Variants in NEDD4L observed in about 807,000 individuals in gnomAD.
NEDD4L encodes the protein E3 ubiquitin-protein ligase NEDD4-like.
NEDD4L carries 54 observed loss-of-function variants against 148.9 expected under a neutral mutation model. That is an observed-to-expected ratio of 0.36 (90% CI 0.29 to 0.45). NEDD4L has a LOEUF of 0.45. Among genes scored for constraint, NEDD4L ranks in the 20% least tolerant of loss-of-function variants. NEDD4L has a pLI of 1.00. For synonymous variants in NEDD4L, 433 were observed against 440.7 expected (o/e 0.98, Z 0.22); for missense variants, 856 against 1,233.8 (o/e 0.69, Z 4.59).
In NEDD4L at chr18:58,281,682, CT is replaced by C. The variant is rs151200470; in HGVS notation, c.297+29637del. On this transcript the variant is annotated intron_variant, in intron 5 of 30. Coordinates refer to ENST00000400345, the MANE Select transcript of NEDD4L (RefSeq NM_001144967.3). ...AAAAGAAAAAAGAAAAAAAAACTGC[CT>C]TTTTTTTTCTTAATGCGTTACAATT... Among the ~76,000 whole-genome samples the C allele has an allele frequency of 6.7e-3, 1,019 of 151,302 alleles. 6 individuals are homozygous for C. Among genetic ancestry groups the C allele is most frequent in the Non-Finnish European group, 0.011 (763 of 67,770 alleles).
chr18:58,061,418 C>T (rs2082327723), intron 1 of NEDD4L, among the ~76,000 whole-genome samples: 1 of 152,000 alleles, frequency 6.6e-6, no homozygotes, highest in South Asian at 2.1e-4. Context: ...ACTCCTTCTG[C>T]TTACCCTGCT....
At chr18:58,132,958 A>T (rs1469355969) in intron 1 of NEDD4L, among the ~76,000 whole-genome samples, 3 of 152,244 alleles carry the variant, frequency 2.0e-5, no homozygotes, top group Non-Finnish European at 4.4e-5. Context: ...ACTCATACTT[A>T]GGAGATGAAT....
chr18:58,072,247 A>T (rs2144913610), intron 1 of NEDD4L, among the ~76,000 whole-genome samples: 1 of 152,324 alleles, frequency 6.6e-6, no homozygotes, highest in Non-Finnish European at 1.5e-5. Context: ...TTAACCTGAT[A>T]CCAAACTAAA....
Position 58,391,642 on chromosome 18 carries a change from G to T in NEDD4L, c.2825+83G>T, listed in dbSNP as rs187906665. 6 of 939,152 alleles carry T rather than the reference G, an allele frequency of 6.4e-6. No homozygotes were observed. In the African/African-American group the frequency reaches 8.2e-5, roughly 13 times the overall value. The allele number at this position is 939,152 out of a possible 1,614,324, so 58.2% of individuals were successfully genotyped here. A position where few individuals can be genotyped will look rare whatever the true frequency, so the allele number is the denominator to read the frequency against. On this transcript the variant is annotated intron_variant, in intron 30 of 30. Coordinates refer to ENST00000400345, the MANE Select transcript of NEDD4L (RefSeq NM_001144967.3). The stretch of plus-strand genomic sequence containing the variant: ...GGTGCTGGGCTCAAGGCTATTGAAT[G>T]CTCTGTTTCCTGTCTGTAAGTAGCT...
intron 1 of NEDD4L, among the ~76,000 whole-genome samples, chr18:58,145,729 A>G (rs545038325): frequency 2.2e-4 from 33 of 152,044 alleles, no homozygotes; most frequent in Non-Finnish European, 3.2e-4. Context: ...TACTTGCAGC[A>G]AAGTCTCCTC....
At chr18:58,216,826 G>T (rs1599813057) in intron 2 of NEDD4L, among the ~76,000 whole-genome samples, 1 of 152,304 alleles carries the variant, frequency 6.6e-6, no homozygotes, top group East Asian at 1.9e-4. Context: ...ACAGCCTAAG[G>T]AACTGGCAGA....
intron 5 of NEDD4L, among the ~76,000 whole-genome samples, chr18:58,270,476 C>T (rs2050879398): frequency 1.3e-5 from 2 of 152,210 alleles, no homozygotes; most frequent in Non-Finnish European, 2.9e-5. Flanking sequence ...ATAATTCACA[C>T]TGTTGTATTG....
At chr18:58,376,776 C>A (rs913592874) in intron 24 of NEDD4L, among the ~76,000 whole-genome samples, 1 of 152,226 alleles carries the variant, frequency 6.6e-6, no homozygotes, top group Non-Finnish European at 1.5e-5. Flanking sequence ...AAGACCCCAA[C>A]CTTACTTTGT....
intron 19 of NEDD4L, among the ~76,000 whole-genome samples, chr18:58,361,246 T>C (rs1006499491): frequency 1.2e-4 from 19 of 152,306 alleles, no homozygotes; most frequent in African/African-American, 4.3e-4. Context: ...TTTAAAAATA[T>C]CAGTTCTAAG....
At position 58,390,709 on chromosome 18, in the gene NEDD4L, C is replaced by T; in HGVS notation, c.2719C>T (p.Arg907Ter). ...ACTGCAGTTTGTCACAGGGACATCG[C>T]GAGTACCTATGAATGGATTTGCCGA... Reference protein sequence around the residue: ...RLLQFVTGTSRVPMNGFAELY... With the variant: ...RLLQFVTGTS The change falls in exon 29 of 31, where the codon CGA (arginine) becomes TGA (stop). Residue 907 changes from arginine to a stop codon, truncating the protein, a stop_gained. Coordinates refer to ENST00000400345, the MANE Select transcript of NEDD4L (RefSeq NM_001144967.3). LOFTEE classifies it high-confidence loss of function. 6.3e-7 allele frequency: 1 copy of T among 1,599,524 alleles called. No homozygotes were observed. Among genetic ancestry groups the T allele is most frequent in the Non-Finnish European group, 8.5e-7 (1 of 1,172,330 alleles).
At chr18:58,143,657 C>T (rs1393698160) in intron 1 of NEDD4L, among the ~76,000 whole-genome samples, 1 of 152,166 alleles carries the variant, frequency 6.6e-6, no homozygotes, top group Middle Eastern at 3.2e-3. Flanking sequence ...CCGTGTTCTT[C>T]GTCCATGTCC....
intron 30 of NEDD4L, among the ~76,000 whole-genome samples, chr18:58,392,229 C>T (rs2049928311): frequency 1.3e-5 from 2 of 152,364 alleles, no homozygotes; most frequent in African/African-American, 4.8e-5. Context: ...CTAACTCAAA[C>T]TCCCATGTCC....
At chr18:58,225,038 T>C (rs1412207716) in intron 2 of NEDD4L, among the ~76,000 whole-genome samples, 2 of 152,050 alleles carry the variant, frequency 1.3e-5, no homozygotes, top group East Asian at 3.8e-4. Context: ...GGTTTCTCTG[T>C]GTGTATGGCA....
At chr18:58,251,238 T>C (rs189554007) in intron 4 of NEDD4L, among the ~76,000 whole-genome samples, 1 of 152,226 alleles carries the variant, frequency 6.6e-6, no homozygotes, top group East Asian at 1.9e-4. Flanking sequence ...AAAAAGTAAG[T>C]GCACAGGCTG....
At chr18:58,324,903 C>T (rs530497679) in intron 8 of NEDD4L, 93 bp from the exon 9 acceptor site, 3 of 1,211,902 alleles carry the variant, frequency 2.5e-6, no homozygotes, top group East Asian at 2.4e-5. Flanking sequence ...AGCCCCAGAG[C>T]AAGGAGAAGG....
chr18:58,149,031 T>G (rs2034400120), intron 1 of NEDD4L, among the ~76,000 whole-genome samples: 1 of 152,178 alleles, frequency 6.6e-6, no homozygotes, highest in South Asian at 2.1e-4. Flanking sequence ...AATCCTGGGT[T>G]TTGGAGATGC....
intron 2 of NEDD4L, among the ~76,000 whole-genome samples, chr18:58,177,922 C>T (rs372540339): frequency 6.6e-6 from 1 of 152,214 alleles, no homozygotes; most frequent in Non-Finnish European, 1.5e-5. Context: ...ACCTTTCCTA[C>T]ATGCTATAGG....
chr18:58,229,071 C>T (rs1367871317), intron 2 of NEDD4L, among the ~76,000 whole-genome samples: 14 of 152,178 alleles, frequency 9.2e-5, no homozygotes, highest in Admixed American at 5.9e-4. Context: ...TGCGGTAAAA[C>T]GACTTTGCTA....
intron 15 of NEDD4L, among the ~76,000 whole-genome samples, chr18:58,342,703 T>C (rs2042589204): frequency 6.6e-6 from 1 of 152,228 alleles, no homozygotes; most frequent in South Asian, 2.1e-4. Context: ...TGGTTATAAG[T>C]ACTTAATATT....
Sources: allele counts gnomAD v4.1 joint callset (sites outside exome capture counted in the v4.1 genomes callset), GRCh38; gene constraint gnomAD v4.1.1; transcripts MANE v1.5; gene names NCBI Gene and HGNC (gene_info 2026-07-23, HGNC 2026-07-21).